The following MACROD2 variants were observed in gnomAD, a reference collection of about 807,000 sequenced individuals.
The protein encoded by MACROD2 is mono-ADP ribosylhydrolase 2.
MACROD2 carries 36 observed loss-of-function variants against 70.4 expected under a neutral mutation model. The observed-to-expected ratio is 0.51, with a 90% CI of 0.39 to 0.68. MACROD2 has a LOEUF of 0.68. MACROD2 is among the 30% of genes least tolerant of loss of function. MACROD2 has a pLI of 0.00. For missense variants in MACROD2, 496 were observed against 538.4 expected (o/e 0.92, Z 0.78); for synonymous variants, 172 against 178.8 (o/e 0.96, Z 0.30).
chr20:15,805,162 A>G (rs2063757733), intron 8 of MACROD2, among the ~76,000 whole-genome samples: 2 of 152,210 alleles, frequency 1.3e-5, no homozygotes, highest in Admixed American at 6.5e-5. Context: ...AACTCAGGAC[A>G]TACTGAGACT....
Position 14,019,421 on chromosome 20 carries a change from C to T in MACROD2, c.163+17017C>T, listed in dbSNP as rs115360455. On this transcript the variant is annotated intron_variant, in intron 2 of 17. Coordinates refer to ENST00000684519, the MANE Select transcript of MACROD2 (RefSeq NM_001351661.2). The stretch of plus-strand genomic sequence containing the variant: ...TGAGGAGCTGGGACCAGGCACGTGC[C>T]ACCATGCCCGGCTAATTTTTTGTAT... Among the ~76,000 whole-genome samples the T allele has an allele frequency of 8.8e-3, 1,339 of 152,178 alleles. 26 individuals carry two copies. Among genetic ancestry groups the T allele is most frequent in the Middle Eastern group, 0.034 (10 of 294 alleles).
intron 9 of MACROD2, among the ~76,000 whole-genome samples, chr20:15,868,208 C>CTT (rs965892705): frequency 6.6e-6 from 1 of 152,172 alleles, no homozygotes; most frequent in East Asian, 1.9e-4. Context: ...CCATAAGTAA[C>CTT]TATCTAGCTG....
At position 15,032,576 on chromosome 20, in the gene MACROD2, T is replaced by C. The variant is rs141848336; in HGVS notation, c.419-197364T>C. Among the ~76,000 whole-genome samples, 227 of 152,338 alleles carry C rather than the reference T, an allele frequency of 1.5e-3. 2 individuals are homozygous for C. Among genetic ancestry groups the C allele is most frequent in the African/African-American group, 5.2e-3 (216 of 41,562 alleles). ...GACACTCAGAGCTGCCGACATTTGCTCAATAATTGGTCAATTTTTGACCGT... is the reference window on the plus strand; with the variant it reads ...GACACTCAGAGCTGCCGACATTTGCCCAATAATTGGTCAATTTTTGACCGT... On this transcript the variant is annotated intron_variant, in intron 5 of 17. Transcript: ENST00000684519.
chr20:14,215,341 C>T (rs1435716395), intron 3 of MACROD2, among the ~76,000 whole-genome samples: 1 of 116,158 alleles, frequency 8.6e-6, no homozygotes, highest in Non-Finnish European at 1.8e-5. Context: ...CATATATACA[C>T]ACACACACAC....
chr20:15,683,892 GTTATCA>G (rs1037826323), intron 8 of MACROD2, among the ~76,000 whole-genome samples: 2 of 151,960 alleles, frequency 1.3e-5, no homozygotes, highest in African/African-American at 4.8e-5. Context: ...TTAGCTTGCT[GTTATCA>G]TTATTATTTT....
At chr20:14,020,214 T>C (rs2053056231) in intron 2 of MACROD2, among the ~76,000 whole-genome samples, 1 of 152,206 alleles carries the variant, frequency 6.6e-6, no homozygotes, top group South Asian at 2.1e-4. Context: ...GGCTCATGCC[T>C]GTAATCCCAG....
At chr20:15,967,679 C>CAAAA in intron 13 of MACROD2, 49 bp downstream of exon 13, 13 of 277,874 alleles carry the variant, frequency 4.7e-5, no homozygotes, top group South Asian at 3.8e-4. Context: ...TGCTGGGAAA[C>CAAAA]AGAAAAAAAA....
At chr20:14,450,776 A>G (rs890289181) in intron 3 of MACROD2, among the ~76,000 whole-genome samples, 3 of 152,112 alleles carry the variant, frequency 2.0e-5, no homozygotes, top group Non-Finnish European at 2.9e-5. Context: ...ACTGAGAAAC[A>G]TTAACATAGT....
chr20:14,828,794 A>G lies in MACROD2; in HGVS notation c.418+143835A>G, dbSNP rs548800259. ...AATAACTATTAACCATTGCATTTTTACTGAGGAATGCTATGTATGTTTTGG... is the reference window on the plus strand; with the variant it reads ...AATAACTATTAACCATTGCATTTTTGCTGAGGAATGCTATGTATGTTTTGG... On this transcript the variant is annotated intron_variant, in intron 5 of 17. Coordinates refer to ENST00000684519, the MANE Select transcript of MACROD2 (RefSeq NM_001351661.2). Among the ~76,000 whole-genome samples the G allele has an allele frequency of 7.2e-5, 11 of 152,104 alleles. No homozygotes were observed. In the South Asian group the frequency reaches 1.9e-3, roughly 26 times the overall value.
intron 5 of MACROD2, among the ~76,000 whole-genome samples, chr20:15,064,522 G>A (rs2075558661): frequency 1.3e-5 from 2 of 152,030 alleles, no homozygotes; most frequent in Non-Finnish European, 2.9e-5. Context: ...ACTTCTAATG[G>A]GTTTCATTCT....
intron 10 of MACROD2, among the ~76,000 whole-genome samples, chr20:15,920,527 T>G (rs1440679154): frequency 3.9e-5 from 6 of 152,208 alleles, no homozygotes. Context: ...TTTTTTCTCT[T>G]CATCTATTTG....
chr20:15,931,963 G>A (rs1429359454), intron 10 of MACROD2, among the ~76,000 whole-genome samples: 1 of 152,102 alleles, frequency 6.6e-6, no homozygotes, highest in Non-Finnish European at 1.5e-5. Context: ...TCTTGCCTCG[G>A]AATTAAGAGT....
chr20:14,926,564 G>A (rs916815350), intron 5 of MACROD2, among the ~76,000 whole-genome samples: 2 of 150,044 alleles, frequency 1.3e-5, no homozygotes, highest in African/African-American at 4.9e-5. Context: ...AAAAAAGGAA[G>A]CATTATGTTT....
chr20:15,647,255 G>C (rs1223389823), intron 8 of MACROD2, among the ~76,000 whole-genome samples: 1 of 152,164 alleles, frequency 6.6e-6, no homozygotes, highest in Non-Finnish European at 1.5e-5. Flanking sequence ...ACACCAAAAG[G>C]TTAAGGAGAA....
chr20:15,741,747 C>T (rs983747363), intron 8 of MACROD2, among the ~76,000 whole-genome samples: 15 of 152,014 alleles, frequency 9.9e-5, no homozygotes, highest in African/African-American at 3.1e-4. Flanking sequence ...ATATCATTTT[C>T]CTAATTATTA....
At chr20:15,860,772 C>G (rs994651829) in intron 8 of MACROD2, among the ~76,000 whole-genome samples, 2 of 152,136 alleles carry the variant, frequency 1.3e-5, no homozygotes, top group Admixed American at 6.6e-5. Flanking sequence ...CCACCCTCCC[C>G]AGAACTCATC....
At chr20:14,631,372 T>C (rs1243955609) in intron 4 of MACROD2, among the ~76,000 whole-genome samples, 2 of 152,232 alleles carry the variant, frequency 1.3e-5, no homozygotes, top group African/African-American at 4.8e-5. Flanking sequence ...TTTCTGCCTA[T>C]AAAGCCATAC....
chr20:14,653,812 T>C (rs193066907), intron 4 of MACROD2, among the ~76,000 whole-genome samples: 1 of 152,304 alleles, frequency 6.6e-6, no homozygotes, highest in Admixed American at 6.5e-5. Flanking sequence ...AAACTGGAAG[T>C]CTACAAAAGT....
intron 3 of MACROD2, among the ~76,000 whole-genome samples, chr20:14,160,713 GTTTAA>G (rs1279045423): frequency 6.6e-6 from 1 of 151,764 alleles, no homozygotes; most frequent in East Asian, 1.9e-4. Flanking sequence ...TTTAGTTTCT[GTTTAA>G]GTTCTGCTCT....
Sources: allele counts gnomAD v4.1 joint callset (sites outside exome capture counted in the v4.1 genomes callset), GRCh38; gene constraint gnomAD v4.1.1; transcripts MANE v1.5; gene names NCBI Gene and HGNC (gene_info 2026-07-23, HGNC 2026-07-21).